Variants in GSTT4 observed in about 807,000 individuals in gnomAD.
The protein encoded by GSTT4 is glutathione S-transferase theta 4, also known as glutathione S-transferase theta-4.
downstream of GSTT4, among the ~76,000 whole-genome samples, chr22:23,996,099 ACGCCCGG>A (rs2034112757): frequency 6.6e-6 from 1 of 151,946 alleles, no homozygotes; most frequent in African/African-American, 2.4e-5. Flanking sequence ...ATGCGCCACC[ACGCCCGG>A]CTAATTTTTG....
At chr22:24,001,710 G>A (rs974333589) in intron 2 of GSTT4, among the ~76,000 whole-genome samples, 1 of 152,266 alleles carries the variant, frequency 6.6e-6, no homozygotes, top group South Asian at 2.1e-4. Context: ...AAACGGGGGG[G>A]CACGATGGCT....
At chr22:23,990,661 C>T in the GSTT4 span, among the ~76,000 whole-genome samples, 1 of 75,270 alleles carries the variant, frequency 1.3e-5, no homozygotes. Flanking sequence ...AATAAACAAA[C>T]AAACAATAAA....
chr22:23,996,354 T>C (rs2034114907), downstream of GSTT4, among the ~76,000 whole-genome samples: 1 of 152,190 alleles, frequency 6.6e-6, no homozygotes, highest in Non-Finnish European at 1.5e-5. Flanking sequence ...TTCCACCTTG[T>C]TCCTTTTTCT....
intron 4 of GSTT4, among the ~76,000 whole-genome samples, chr22:23,999,627 C>T (rs1353378406): frequency 6.4e-5 from 8 of 124,284 alleles, no homozygotes; most frequent in Admixed American, 1.7e-4. Flanking sequence ...TCCAAATGCA[C>T]AGTGGATGCC....
chr22:24,002,423 A>C (rs201331544), intron 2 of GSTT4, among the ~76,000 whole-genome samples: 121,793 of 151,876 alleles, frequency 0.8, 48,407 homozygotes, highest in Middle Eastern at 0.89. Flanking sequence ...ACCTCCGCAG[A>C]ACAAGGGCTC....
chr22:23,995,145 T>G (rs391806), downstream of GSTT4, among the ~76,000 whole-genome samples: 11,323 of 147,486 alleles, frequency 0.077, 658 homozygotes, highest in East Asian at 0.2. Flanking sequence ...TTGTTTGTTT[T>G]TTTTTTGAGT....
At chr22:23,996,104 C>T (rs577661722), downstream of GSTT4, among the ~76,000 whole-genome samples, 8 of 152,052 alleles carry the variant, frequency 5.3e-5, no homozygotes, top group South Asian at 2.1e-4. Flanking sequence ...CCACCACGCC[C>T]GGCTAATTTT....
the GSTT4 span, among the ~76,000 whole-genome samples, chr22:23,992,782 C>CTTTTTTTTTTTTTTTT: frequency 6.2e-5 from 9 of 144,982 alleles, no homozygotes; most frequent in East Asian, 2.0e-4. Context: ...CTCTACTATT[C>CTTTTTTTTTTTTTTTT]TTTTTTTTTT....
chr22:23,990,473 G>A, the GSTT4 span, among the ~76,000 whole-genome samples: 20 of 30,330 alleles, frequency 6.6e-4, no homozygotes, highest in African/African-American at 4.5e-3. Flanking sequence ...AAAAAAAAAA[G>A]TAGCTGGGCA....
intron 3 of GSTT4, among the ~76,000 whole-genome samples, chr22:24,000,585 G>T (rs866694462): frequency 6.6e-5 from 9 of 136,650 alleles, no homozygotes; most frequent in Non-Finnish European, 1.3e-4. Context: ...TTGAGATGGA[G>T]TCTCACTCTG....
chr22:23,993,279 T>C, the GSTT4 span, among the ~76,000 whole-genome samples: 1 of 152,210 alleles, frequency 6.6e-6, no homozygotes, highest in East Asian at 1.9e-4. Flanking sequence ...CCCAGGCTGG[T>C]CTCAAAGTTC....
rs1049904771 is a variant in GSTT4 at position 23,998,422 on chromosome 22, A to G, written c.*120T>C. On this transcript the variant is annotated 3_prime_UTR_variant, in exon 5 of 5. Transcript: ENST00000621179. ...GCTGTGATGGTTGTTCCAGTTCTTTATTAGGCAAAGAACAGTTGTTTTTTT... is the reference window on the plus strand; with the variant it reads ...GCTGTGATGGTTGTTCCAGTTCTTTGTTAGGCAAAGAACAGTTGTTTTTTT... The G allele has an allele frequency of 4.6e-5, 7 of 151,984 alleles. No individual in the cohort carries two copies. Among genetic ancestry groups the G allele is most frequent in the African/African-American group, 1.7e-4 (7 of 40,928 alleles). The allele number at this position is 151,984 out of a possible 1,614,324, so 9.4% of individuals were successfully genotyped here. A position where few individuals can be genotyped will look rare whatever the true frequency, so the allele number is the denominator to read the frequency against.
At position 24,002,811 on chromosome 22, in the gene GSTT4, A is replaced by G. The variant is rs1267821319; in HGVS notation, c.200+949T>C. ...GCGCCACTGCACTCCAGCCTGGGCA[A>G]CAGAGCGAGACTCCGTCTCAAAAAA... On this transcript the variant is annotated intron_variant, in intron 2 of 4. Transcript: ENST00000621179. Among the ~76,000 whole-genome samples, 11 of 148,096 alleles carry G rather than the reference A, an allele frequency of 7.4e-5. No individual in the cohort carries two copies. The Admixed American group carries it at 7.5e-4, about 10-fold the overall frequency.
chr22:23,992,885 C>G, the GSTT4 span, among the ~76,000 whole-genome samples: 2 of 151,664 alleles, frequency 1.3e-5, no homozygotes, highest in South Asian at 2.1e-4. Flanking sequence ...AACAATCCTT[C>G]TGCCTTACCC....
chr22:23,991,004 C>CAAT, the GSTT4 span, among the ~76,000 whole-genome samples: 2,715 of 74,396 alleles, frequency 0.036, 402 homozygotes, highest in African/African-American at 0.1. Context: ...GACCTCCTCT[C>CAAT]AATAATAATA....
At chr22:23,995,159 A>C (rs2034104359), downstream of GSTT4, among the ~76,000 whole-genome samples, 2 of 151,254 alleles carry the variant, frequency 1.3e-5, no homozygotes, top group Admixed American at 1.3e-4. Flanking sequence ...TTTGAGTCAG[A>C]GTATCGCTCT....
chr22:23,995,495 G>T (rs2034107520), downstream of GSTT4, among the ~76,000 whole-genome samples: 1 of 152,162 alleles, frequency 6.6e-6, no homozygotes, highest in African/African-American at 2.4e-5. Flanking sequence ...ATACATAGAA[G>T]AGTGATATTC....
chr22:24,003,351 C>G (rs533206450), intron 2 of GSTT4, among the ~76,000 whole-genome samples: 9 of 152,362 alleles, frequency 5.9e-5, no homozygotes, highest in Non-Finnish European at 1.3e-4. Flanking sequence ...GCTGGGACTA[C>G]AGGTGCAGAC....
intron 1 of GSTT4, chr22:24,004,632 G>C: frequency 6.5e-6 from 1 of 153,452 alleles, no homozygotes; most frequent in Non-Finnish European, 1.5e-5. Context: ...CAGGTGCTGA[G>C]TTCACAAGGT....
Sources: allele counts gnomAD v4.1 joint callset (sites outside exome capture counted in the v4.1 genomes callset), GRCh38; gene constraint gnomAD v4.1.1; transcripts MANE v1.5; gene names NCBI Gene and HGNC (gene_info 2026-07-23, HGNC 2026-07-21).